The following CLIP2 variants were observed in gnomAD, a reference collection of about 807,000 sequenced individuals.
CLIP2 encodes the protein CAP-Gly domain containing linker protein 2.
Under a neutral mutation model 111.7 loss-of-function variants are expected in CLIP2, and 41 were observed. The observed-to-expected ratio is 0.37, with a 90% CI of 0.29 to 0.48. The LOEUF is 0.48. Ranked by LOEUF, CLIP2 falls within the 20% of genes least tolerant of loss-of-function variation. The probability of loss-of-function intolerance (pLI) is 0.99; values close to 1 mark genes in which losing one functional copy is unlikely to be tolerated. For missense variants in CLIP2, 1,160 were observed against 1,422.1 expected (o/e 0.82, Z 2.96); for synonymous variants, 660 against 644.2 (o/e 1.02, Z -0.37).
intron 2 of CLIP2, among the ~76,000 whole-genome samples, chr7:74,332,339 G>T: frequency 6.6e-6 from 1 of 152,000 alleles, no homozygotes; most frequent in South Asian, 2.1e-4. Context: ...CTCCCAAAGT[G>T]CTGGGATTCC....
chr7:74,291,155 A>G (rs1215795388), intron 1 of CLIP2, among the ~76,000 whole-genome samples: 10 of 152,260 alleles, frequency 6.6e-5, no homozygotes, highest in African/African-American at 2.4e-4. Flanking sequence ...TTGCGGGGGA[A>G]TGATGGGATT....
At position 74,356,503 on chromosome 7, in the gene CLIP2, G is replaced by A; in HGVS notation, c.897G>A (p.Lys299=). The part of the protein sequence containing the change: ...GFPSTSPAKA[K]KTKRMAMGVS... Reference sequence around the variant, plus strand: ...CATCTACCAGCCCAGCCAAGGCCAAGAAGACCAAGCGTATGGCCATGGGTG... The same window carrying A: ...CATCTACCAGCCCAGCCAAGGCCAAAAAGACCAAGCGTATGGCCATGGGTG... The change falls in exon 5 of 17, where the codon AAG becomes AAA. Residue 299 remains lysine (K), a synonymous_variant. Transcript: ENST00000223398. The A allele has an allele frequency of 6.2e-7, 1 of 1,614,214 alleles. No homozygotes were observed. Among genetic ancestry groups the A allele is most frequent in the Non-Finnish European group, 8.5e-7 (1 of 1,180,040 alleles).
At chr7:74,341,340 A>G (rs1789654222) in intron 3 of CLIP2, among the ~76,000 whole-genome samples, 3 of 151,906 alleles carry the variant, frequency 2.0e-5, no homozygotes, top group African/African-American at 4.8e-5. Flanking sequence ...GGCACGCACC[A>G]TCACGCCCTG....
intron 3 of CLIP2, among the ~76,000 whole-genome samples, chr7:74,341,661 A>G (rs1324245056): frequency 6.7e-6 from 1 of 148,448 alleles, no homozygotes; most frequent in Non-Finnish European, 1.5e-5. Flanking sequence ...TGGTGCAGTC[A>G]TAGCTCACTG....
chr7:74,382,766 G>A (rs1790982195), intron 11 of CLIP2, among the ~76,000 whole-genome samples: 1 of 151,582 alleles, frequency 6.6e-6, no homozygotes, highest in Non-Finnish European at 1.5e-5. Context: ...GGTGGTGTTG[G>A]CCATGCAGAT....
At chr7:74,297,536 A>G (rs992967665) in intron 1 of CLIP2, among the ~76,000 whole-genome samples, 1 of 151,968 alleles carries the variant, frequency 6.6e-6, no homozygotes, top group Non-Finnish European at 1.5e-5. Flanking sequence ...TTTGAGAGGA[A>G]GCCTCAGCCT....
At chr7:74,387,543 G>A (rs553722470) in intron 12 of CLIP2, among the ~76,000 whole-genome samples, 70 of 152,202 alleles carry the variant, frequency 4.6e-4, no homozygotes, top group African/African-American at 1.4e-3. Context: ...GAGCCACCAC[G>A]CCCGGCCCCT....
chr7:74,369,506 G>A (rs1790546754), intron 8 of CLIP2, among the ~76,000 whole-genome samples: 1 of 151,904 alleles, frequency 6.6e-6, no homozygotes, highest in African/African-American at 2.4e-5. Flanking sequence ...TGGCGCCACT[G>A]CACTCCAGCC....
At chr7:74,292,384 A>G (rs934859350) in intron 1 of CLIP2, among the ~76,000 whole-genome samples, 19 of 152,124 alleles carry the variant, frequency 1.2e-4, no homozygotes, top group African/African-American at 4.3e-4. Flanking sequence ...TACTTTGTGG[A>G]GAATTGTTCT....
rs558943683 is a variant in CLIP2 at position 74,334,213 on chromosome 7, C to T, written c.122-4235C>T. Among the ~76,000 whole-genome samples the T allele has an allele frequency of 2.0e-5, 3 of 152,310 alleles. No homozygotes were observed. The East Asian group carries it at 5.8e-4, about 29-fold the overall frequency. The stretch of plus-strand genomic sequence containing the variant: ...CTCAACTGCAGGAAGCTGAAAATGT[C>T]TCAGCGTGCATGGAATTTGATGAGC... On this transcript the variant is annotated intron_variant, in intron 2 of 16. Transcript: ENST00000223398.
chr7:74,347,698 A>T (rs976567143), intron 3 of CLIP2, among the ~76,000 whole-genome samples: 1 of 152,228 alleles, frequency 6.6e-6, no homozygotes, highest in East Asian at 1.9e-4. Flanking sequence ...CTGAGAAATA[A>T]GAGAAGGTGA....
intron 7 of CLIP2, among the ~76,000 whole-genome samples, chr7:74,361,604 A>C (rs1790333234): frequency 6.6e-6 from 1 of 152,030 alleles, no homozygotes; most frequent in Non-Finnish European, 1.5e-5. Flanking sequence ...TGCAGCCTCA[A>C]CCTTCTGGGC....
chr7:74,328,637 C>A (rs797024837), intron 2 of CLIP2, among the ~76,000 whole-genome samples: 4 of 152,136 alleles, frequency 2.6e-5, no homozygotes, highest in Non-Finnish European at 4.4e-5. Flanking sequence ...TTGCTATGGA[C>A]GGGCATGAGG....
chr7:74,303,664 C>A (rs1788399049), intron 1 of CLIP2, among the ~76,000 whole-genome samples: 2 of 150,640 alleles, frequency 1.3e-5, no homozygotes, highest in African/African-American at 2.4e-5. Context: ...GTAATTCCAC[C>A]ACTTTGGGAG....
chr7:74,404,138 G>A lies in CLIP2; in HGVS notation c.*290G>A. The A allele has an allele frequency of 2.2e-6, 1 of 450,082 alleles. No homozygotes were observed. Among genetic ancestry groups the A allele is most frequent in the Non-Finnish European group, 4.1e-6 (1 of 241,690 alleles). 27.9% of individuals were successfully genotyped at this position (450,082 alleles called of 1,614,324 possible). A position where few individuals can be genotyped will look rare whatever the true frequency, so the allele number is the denominator to read the frequency against. ...CTTCTGGAGTTTGTCAGTGGAGGCA[G>A]AGGGGATCCGGCCAGGCCCCTCTGT... On this transcript the variant is annotated 3_prime_UTR_variant, in exon 17 of 17. Coordinates refer to ENST00000223398, the MANE Select transcript of CLIP2 (RefSeq NM_003388.5).
intron 2 of CLIP2, among the ~76,000 whole-genome samples, chr7:74,321,864 T>TTCAC (rs1248480040): frequency 2.0e-5 from 3 of 152,136 alleles, no homozygotes; most frequent in South Asian, 4.2e-4. Flanking sequence ...GACCTTCACA[T>TTCAC]TCACTCACTC....
intron 8 of CLIP2, among the ~76,000 whole-genome samples, 170 bp from the exon 9 acceptor site, chr7:74,372,762 C>G (rs923653747): frequency 3.3e-5 from 5 of 151,516 alleles, no homozygotes; most frequent in African/African-American, 1.2e-4. Flanking sequence ...TCCTCTCTTT[C>G]GCTGAGCAAT....
intron 1 of CLIP2, among the ~76,000 whole-genome samples, chr7:74,310,071 A>AAAAAAAAAAAAAAC: frequency 9.5e-6 from 1 of 104,780 alleles, no homozygotes; most frequent in Non-Finnish European, 2.1e-5. Flanking sequence ...AAAAAAAAAA[A>AAAAAAAAAAAAAAC]AAAAAAAGTT....
intron 14 of CLIP2, among the ~76,000 whole-genome samples, chr7:74,399,642 C>T (rs1384652735): frequency 1.3e-5 from 2 of 151,338 alleles, no homozygotes; most frequent in African/African-American, 2.4e-5. Context: ...CGGGTTCAAG[C>T]GATTCTCCTG....
Sources: allele counts gnomAD v4.1 joint callset (sites outside exome capture counted in the v4.1 genomes callset), GRCh38; gene constraint gnomAD v4.1.1; transcripts MANE v1.5; gene names NCBI Gene and HGNC (gene_info 2026-07-23, HGNC 2026-07-21).